Variants in ERGIC1 observed in about 807,000 individuals in gnomAD.
The protein encoded by ERGIC1 is endoplasmic reticulum-Golgi intermediate compartment protein 1.
ERGIC1 carries 19 observed loss-of-function variants against 38.3 expected under a neutral mutation model. The ratio of observed to expected loss-of-function variants is 0.50; its 90% CI spans 0.35 to 0.73. ERGIC1 has a LOEUF of 0.73. ERGIC1 is among the 30% of genes least tolerant of loss of function. The probability of loss-of-function intolerance (pLI) is 0.01; values close to 1 mark genes in which losing one functional copy is unlikely to be tolerated. For synonymous variants in ERGIC1, 124 were observed against 157.6 expected, an observed-to-expected ratio of 0.79 and a Z score of 1.60; for missense variants, 294 against 389.2, an observed-to-expected ratio of 0.76 and a Z score of 2.06.
At position 172,926,569 on chromosome 5, in the gene ERGIC1, CG is replaced by C. The variant is rs764977655; in HGVS notation, c.541+1del. ...GGGAGCAGACAGACTCACCTCCAACCGTATGTATCCCTGCTGGGAACAGCCT... is the reference window on the plus strand; with the variant it reads ...GGGAGCAGACAGACTCACCTCCAACCTATGTATCCCTGCTGGGAACAGCCT... On this transcript the variant is annotated splice_donor_variant, in intron 7 of 9. Coordinates refer to ENST00000393784, the MANE Select transcript of ERGIC1 (RefSeq NM_001031711.3). LOFTEE classifies it high-confidence loss of function. The surrounding 1 kb of genome is among the most constrained non-coding windows in gnomAD (Gnocchi z 5.2). The C allele has an allele frequency of 6.2e-7, 1 of 1,612,184 alleles. No homozygotes were observed. The highest frequency in any genetic ancestry group is 8.5e-7 in the Non-Finnish European group (1 of 1,180,014).
chr5:172,836,382 T>G (rs1237746597), intron 1 of ERGIC1, among the ~76,000 whole-genome samples: 2 of 152,198 alleles, frequency 1.3e-5, no homozygotes, highest in Non-Finnish European at 2.9e-5. Context: ...TGGGGCTCCC[T>G]TGGCATACTT....
chr5:172,919,127 G>A (rs945702514), intron 5 of ERGIC1, among the ~76,000 whole-genome samples: 7 of 152,162 alleles, frequency 4.6e-5, no homozygotes, highest in Admixed American at 1.3e-4. Context: ...GTTCTATAAC[G>A]GGGGGACAGC....
At chr5:172,913,174 C>A (rs1763252995) in intron 4 of ERGIC1, among the ~76,000 whole-genome samples, 1 of 152,252 alleles carries the variant, frequency 6.6e-6, no homozygotes, top group African/African-American at 2.4e-5. Flanking sequence ...AACTCAGCCA[C>A]TGATCTGCTC....
chr5:172,892,233 T>G (rs1191846899), intron 2 of ERGIC1, among the ~76,000 whole-genome samples: 5 of 152,160 alleles, frequency 3.3e-5, no homozygotes, highest in South Asian at 2.1e-4. Context: ...ATTTAGTGAA[T>G]AAATATTTAT....
intron 2 of ERGIC1, among the ~76,000 whole-genome samples, chr5:172,896,544 T>C (rs957391618): frequency 6.6e-6 from 1 of 152,114 alleles, no homozygotes; most frequent in African/African-American, 2.4e-5. Flanking sequence ...GGCAAACTCA[T>C]GGGCTCCGAC....
chr5:172,891,706 C>T (rs1452726518), intron 2 of ERGIC1, among the ~76,000 whole-genome samples: 1 of 152,302 alleles, frequency 6.6e-6, no homozygotes, highest in African/African-American at 2.4e-5. Context: ...TCCCAAAGTG[C>T]TGGGATTCCA....
At chr5:172,919,001 G>C (rs1763445678) in intron 5 of ERGIC1, among the ~76,000 whole-genome samples, 1 of 151,354 alleles carries the variant, frequency 6.6e-6, no homozygotes, top group Non-Finnish European at 1.5e-5. Flanking sequence ...CTCTCCCTTT[G>C]ACCACTCCAC....
chr5:172,879,278 G>C (rs991204919), intron 1 of ERGIC1, among the ~76,000 whole-genome samples: 4 of 152,232 alleles, frequency 2.6e-5, no homozygotes, highest in African/African-American at 9.6e-5. Flanking sequence ...GGGAGCAGGG[G>C]AAGACGTGTT....
chr5:172,887,347 A>G (rs1762449094), intron 1 of ERGIC1, among the ~76,000 whole-genome samples: 3 of 152,228 alleles, frequency 2.0e-5, no homozygotes. Flanking sequence ...ACTGTCTGCT[A>G]CGCAGGTTCA....
chr5:172,945,680 T>C (rs183309229), intron 9 of ERGIC1, among the ~76,000 whole-genome samples: 39 of 152,196 alleles, frequency 2.6e-4, no homozygotes, highest in Admixed American at 2.3e-3. Context: ...TCGTTTTATT[T>C]TTATTTTTAT....
chr5:172,842,012 T>C (rs1048068788), intron 1 of ERGIC1, among the ~76,000 whole-genome samples: 3 of 152,200 alleles, frequency 2.0e-5, no homozygotes, highest in East Asian at 1.9e-4. Context: ...ACTATTAATT[T>C]GGTTATTTTT....
chr5:172,920,442 C>T (rs1381391311), intron 5 of ERGIC1: 9 of 717,736 alleles, frequency 1.3e-5, no homozygotes, highest in East Asian at 2.7e-5. Context: ...CCCACGGTGA[C>T]CTCGTTTCAT....
chr5:172,909,756 G>T lies in ERGIC1; in HGVS notation c.245G>T (p.Cys82Phe). 1 of 1,614,012 alleles carries T rather than the reference G, an allele frequency of 6.2e-7. No individual in the cohort carries two copies. The highest frequency in any genetic ancestry group is 8.5e-7 in the Non-Finnish European group (1 of 1,179,868). ...SLNISLPNLH[C>F]ELVGLDIQDE... is the part of the protein sequence containing the mutation. Reference sequence around the variant, plus strand: ...AACATCAGTTTACCCAATCTGCACTGCGAGTGTGAGTACTCCACGCAGCCC... The same window carrying T: ...AACATCAGTTTACCCAATCTGCACTTCGAGTGTGAGTACTCCACGCAGCCC... Residue 82 changes from cysteine (C) to phenylalanine (F), a missense_variant, in exon 4 of 10, where the codon TGC (cysteine) becomes TTC (phenylalanine). Around this residue, in one of 3 missense-constraint regions of ERGIC1, gnomAD observed 163 missense variants for 225.8 expected, o/e 0.72. Coordinates refer to ENST00000393784, the MANE Select transcript of ERGIC1 (RefSeq NM_001031711.3).
intron 3 of ERGIC1, among the ~76,000 whole-genome samples, chr5:172,908,265 C>T (rs1478933525): frequency 1.0e-5 from 1 of 98,290 alleles, no homozygotes; most frequent in Admixed American, 1.2e-4. Flanking sequence ...CACAGTGGCT[C>T]ACGCCTGTAA....
chr5:172,874,804 G>C (rs1221959789), intron 1 of ERGIC1, among the ~76,000 whole-genome samples: 3 of 151,782 alleles, frequency 2.0e-5, no homozygotes, highest in East Asian at 3.9e-4. Context: ...GTGTGCGCTT[G>C]TCCTAGCTCC....
chr5:172,902,721 G>A (rs1404354082), intron 3 of ERGIC1, among the ~76,000 whole-genome samples: 1 of 152,102 alleles, frequency 6.6e-6, no homozygotes, highest in African/African-American at 2.4e-5. Context: ...GAAACTCAAG[G>A]CTCCGGAGCA....
rs534603273 is a variant in ERGIC1 at position 172,926,183 on chromosome 5, C to T, written c.481-326C>T. The stretch of plus-strand genomic sequence containing the variant: ...GAGTTTAGCTTAGCCACTTACCAGC[C>T]GGGCAAGTTTTGGTGTCTTTCCAAG... On this transcript the variant is annotated intron_variant, in intron 6 of 9. Coordinates refer to ENST00000393784, the MANE Select transcript of ERGIC1 (RefSeq NM_001031711.3). The surrounding 1 kb of genome is among the most constrained non-coding windows in gnomAD (Gnocchi z 5.2). 2.6e-5 allele frequency among the ~76,000 whole-genome samples: 4 copies of T among 152,276 alleles called. No individual in the cohort carries two copies. The highest frequency in any genetic ancestry group is 2.1e-4 in the South Asian group (1 of 4,822).
At chr5:172,888,912 T>C (rs1762488412) in intron 2 of ERGIC1, 152 bp downstream of exon 2, 1 of 741,832 alleles carries the variant, frequency 1.3e-6, no homozygotes, top group Admixed American at 2.0e-5. Flanking sequence ...CTTCAAGCAT[T>C]TCCTCACTTA....
At chr5:172,841,969 C>G (rs1000446215) in intron 1 of ERGIC1, among the ~76,000 whole-genome samples, 3 of 152,164 alleles carry the variant, frequency 2.0e-5, no homozygotes, top group Non-Finnish European at 2.9e-5. Context: ...TCTCTATCAC[C>G]CCTCACATCT....
Sources: gnomAD v4.1 joint callset for allele counts (sites outside exome capture counted in the v4.1 genomes callset) on GRCh38, gnomAD v4.1.1 for gene constraint, gnomAD v4.1.1 regional missense constraint, Gnocchi (gnomAD v3.1) non-coding constraint, MANE v1.5 for transcripts, NCBI Gene and HGNC (gene_info 2026-07-23, HGNC 2026-07-21) for gene names.